Variants in NPL observed in about 807,000 individuals in gnomAD.
NPL encodes the protein N-acetylneuraminate pyruvate lyase.
NPL carries 32 observed loss-of-function variants against 41.1 expected under a neutral mutation model. The observed-to-expected ratio is 0.78, with a 90% CI of 0.59 to 1.05. NPL has a LOEUF of 1.05. Ranked by LOEUF, NPL falls within the 50% of genes least tolerant of loss-of-function variation. The probability of loss-of-function intolerance (pLI) is 0.00; values close to 1 mark genes in which losing one functional copy is unlikely to be tolerated. For synonymous variants in NPL, 128 were observed against 134.9 expected, an observed-to-expected ratio of 0.95 and a Z score of 0.35; for missense variants, 321 against 378.4, an observed-to-expected ratio of 0.85 and a Z score of 1.26.
Position 182,812,137 on chromosome 1 carries a change from A to C in NPL, c.231-19A>C, listed in dbSNP as rs1425557450. 6.2e-7 allele frequency: 1 copy of C among 1,613,548 alleles called. No individual in the cohort carries two copies. The highest frequency in any genetic ancestry group is 1.1e-5 in the South Asian group (1 of 91,088). ...GCCTCTAAACTCTAAGCGATGCAGC[A>C]GTGTTTTTTCTTTTGCAGGCTGGAT... is the stretch of plus-strand genomic sequence containing the variant. On this transcript the variant is annotated intron_variant, in intron 5 of 12. Transcript: ENST00000367553.
chr1:182,809,424 C>T, intron 5 of NPL: 1 of 263,808 alleles, frequency 3.8e-6, no homozygotes, highest in South Asian at 3.4e-5. Flanking sequence ...CCTGTAATCC[C>T]AGCTAAGCAG....
intron 11 of NPL, among the ~76,000 whole-genome samples, chr1:182,822,516 C>T (rs1667517358): frequency 6.6e-6 from 1 of 152,166 alleles, no homozygotes; most frequent in Non-Finnish European, 1.5e-5. Flanking sequence ...GGGAAAATGA[C>T]CACAGGCTGT....
chr1:182,826,542 T>A (rs1433525204), intron 12 of NPL: 2 of 152,404 alleles, frequency 1.3e-5, no homozygotes, highest in Non-Finnish European at 2.9e-5. Flanking sequence ...CTCTTCTGTG[T>A]TATGCCCCTC....
chr1:182,816,498 C>T lies in NPL; in HGVS notation c.365-216C>T, dbSNP rs77419122. ...GAGTTTAGTATGGTAGGAGAATAAT[C>T]GTCTTACTTTGGGCTTTCTACAGAA... On this transcript the variant is annotated intron_variant, in intron 7 of 12. Coordinates refer to ENST00000367553, the MANE Select transcript of NPL (RefSeq NM_030769.3). Among the ~76,000 whole-genome samples the T allele has an allele frequency of 3.3e-3, 497 of 152,204 alleles. 2 individuals are homozygous for T. Among genetic ancestry groups the T allele is most frequent in the Admixed American group, 6.3e-3 (97 of 15,296 alleles).
intron 5 of NPL, 61 bp from the exon 6 acceptor site, chr1:182,812,095 G>T: frequency 6.5e-7 from 1 of 1,537,312 alleles, no homozygotes. Flanking sequence ...AACCAGGATA[G>T]TGCAGCCCTT....
intron 8 of NPL, among the ~76,000 whole-genome samples, chr1:182,817,900 G>T (rs537751563): frequency 6.6e-6 from 1 of 152,268 alleles, no homozygotes; most frequent in East Asian, 1.9e-4. Flanking sequence ...TTTCTATGGA[G>T]ACTTCATTAT....
intron 5 of NPL, among the ~76,000 whole-genome samples, chr1:182,807,861 A>C (rs1667065746): frequency 6.8e-6 from 1 of 148,114 alleles, no homozygotes; most frequent in Non-Finnish European, 1.5e-5. Flanking sequence ...ACTGCACTCC[A>C]GCCTGAGTGA....
chr1:182,829,692 T>C lies in NPL; in HGVS notation c.*784T>C. 6.9e-7 allele frequency: 1 copy of C among 1,446,672 alleles called. No homozygotes were observed. Among genetic ancestry groups the C allele is most frequent in the South Asian group, 1.2e-5 (1 of 81,896 alleles). The allele number at this position is 1,446,672 out of a possible 1,614,324, so 89.6% of individuals were successfully genotyped here. A position where few individuals can be genotyped will look rare whatever the true frequency, so the allele number is the denominator to read the frequency against. On this transcript the variant is annotated 3_prime_UTR_variant, in exon 13 of 13. Coordinates refer to ENST00000367553, the MANE Select transcript of NPL (RefSeq NM_030769.3). Reference sequence around the variant, plus strand: ...CTTCCTCCACTGAGAAGACTGTCTCTCCCGCAGGACCCTGAATTATTGAAA... The same window carrying C: ...CTTCCTCCACTGAGAAGACTGTCTCCCCCGCAGGACCCTGAATTATTGAAA...
chr1:182,814,790 A>G lies in NPL; in HGVS notation c.296A>G (p.His99Arg). 1 of 1,614,060 alleles carries G rather than the reference A, an allele frequency of 6.2e-7. No individual in the cohort carries two copies. Among genetic ancestry groups the G allele is most frequent in the Non-Finnish European group, 8.5e-7 (1 of 1,179,928 alleles). ...TTCTTTCTTCCTTTAAAGGCCCAAC[A>G]TGCAGCAGAAATAGGAGCTGATGGC... Reference protein sequence around the residue: ...SLKESQELAQHAAEIGADGIA... With the variant: ...SLKESQELAQRAAEIGADGIA... The change falls in exon 7 of 13, where the codon CAT becomes CGT. Residue 99 changes from histidine to arginine, a missense_variant. By Grantham distance (29) the His-to-Arg change is conservative. Coordinates refer to ENST00000367553, the MANE Select transcript of NPL (RefSeq NM_030769.3).
In NPL at chr1:182,814,385, A is replaced by G. The variant is rs371390701; in HGVS notation, c.289-398A>G. Among the ~76,000 whole-genome samples the G allele has an allele frequency of 2.5e-4, 38 of 152,350 alleles. No homozygotes were observed. The East Asian group carries it at 3.9e-3, about 15-fold the overall frequency. On this transcript the variant is annotated intron_variant, in intron 6 of 12. Transcript: ENST00000367553. ...TTCAGCATGTCTCAACTGCATTCCCAATCTAATACAAATTTTACAATATGA... is the reference window on the plus strand; with the variant it reads ...TTCAGCATGTCTCAACTGCATTCCCGATCTAATACAAATTTTACAATATGA...
At chr1:182,817,075 C>T (rs1667354962) in intron 8 of NPL, among the ~76,000 whole-genome samples, 1 of 152,218 alleles carries the variant, frequency 6.6e-6, no homozygotes, top group South Asian at 2.1e-4. Flanking sequence ...ATCACACACA[C>T]ACCCCTTCTT....
chr1:182,796,679 G>A (rs1033819277), intron 3 of NPL, among the ~76,000 whole-genome samples: 1 of 152,142 alleles, frequency 6.6e-6, no homozygotes, highest in African/African-American at 2.4e-5. Flanking sequence ...AATGATGTGA[G>A]TCCTGGATCC....
At chr1:182,808,685 T>C (rs1447645907) in intron 5 of NPL, among the ~76,000 whole-genome samples, 3 of 152,174 alleles carry the variant, frequency 2.0e-5, no homozygotes, top group African/African-American at 7.2e-5. Context: ...CTGGGTGCAG[T>C]GGCTCATGCC....
At chr1:182,790,705 G>A (rs896938711) in intron 1 of NPL, among the ~76,000 whole-genome samples, 2 of 152,064 alleles carry the variant, frequency 1.3e-5, no homozygotes, top group African/African-American at 2.4e-5. Context: ...CTGCAGTGGC[G>A]CTATCTCGGC....
intron 5 of NPL, among the ~76,000 whole-genome samples, chr1:182,807,877 T>G (rs1318235836): frequency 4.9e-5 from 6 of 122,240 alleles, no homozygotes; most frequent in African/African-American, 9.9e-5. Context: ...AGTGACAGAG[T>G]GAGACTCCAT....
intron 3 of NPL, among the ~76,000 whole-genome samples, chr1:182,794,726 C>A (rs570171619): frequency 2.0e-5 from 3 of 152,328 alleles, no homozygotes; most frequent in Non-Finnish European, 4.4e-5. Flanking sequence ...AGAGCAAATT[C>A]TCCTTGGATT....
intron 7 of NPL, among the ~76,000 whole-genome samples, chr1:182,816,329 C>A (rs1038805434): frequency 5.9e-5 from 9 of 152,210 alleles, no homozygotes; most frequent in Non-Finnish European, 1.5e-5. Flanking sequence ...CAATTAAAAT[C>A]TTATTATTAT....
chr1:182,806,249 G>A lies in NPL; in HGVS notation c.230+17G>A, dbSNP rs779497990. On this transcript the variant is annotated intron_variant, in intron 5 of 12. Transcript: ENST00000367553. Reference sequence around the variant, plus strand: ...GAAGGACAAGTGAGTGGCTGCATGAGGATAAAAATGCCCTTTGGCAACAGC... The same window carrying A: ...GAAGGACAAGTGAGTGGCTGCATGAAGATAAAAATGCCCTTTGGCAACAGC... The A allele has an allele frequency of 2.5e-6, 4 of 1,614,030 alleles. No homozygotes were observed. In the African/African-American group the frequency reaches 4.0e-5, roughly 16 times the overall value.
intron 3 of NPL, among the ~76,000 whole-genome samples, chr1:182,796,693 G>A (rs1252877806): frequency 6.6e-6 from 1 of 152,146 alleles, no homozygotes; most frequent in Non-Finnish European, 1.5e-5. Flanking sequence ...TGGATCCCAA[G>A]CTTTGCCACT....
Sources: gnomAD v4.1 joint callset for allele counts (sites outside exome capture counted in the v4.1 genomes callset) on GRCh38, gnomAD v4.1.1 for gene constraint, MANE v1.5 for transcripts, NCBI Gene and HGNC (gene_info 2026-07-23, HGNC 2026-07-21) for gene names.